The following TDRD3 variants were observed in gnomAD, a reference collection of about 807,000 sequenced individuals.
TDRD3 encodes the protein tudor domain containing 3.
In TDRD3, 45 loss-of-function variants were observed where a neutral mutation model predicts 86.7. That is an observed-to-expected ratio of 0.52 (90% confidence interval 0.41 to 0.67). The LOEUF (loss-of-function observed/expected upper bound fraction) is 0.67, where lower values mean the gene tolerates loss of function less well. TDRD3 is among the 30% of genes least tolerant of loss of function. TDRD3 has a pLI of 0.00. For synonymous variants in TDRD3, 298 were observed against 301.7 expected (o/e 0.99, Z 0.13); for missense variants, 814 against 889.0 (o/e 0.92, Z 1.07).
In TDRD3 at chr13:60,397,320, C is replaced by CAA; in HGVS notation, c.-44_-43insAA. The CAA allele has an allele frequency of 3.3e-5, 27 of 810,550 alleles. No homozygotes were observed. Among genetic ancestry groups the CAA allele is most frequent in the Non-Finnish European group, 4.6e-5 (25 of 539,836 alleles). The allele number at this position is 810,550 out of a possible 1,614,324, so 50.2% of individuals were successfully genotyped here. ...GGTCTCAAGTAGGAGGCCTCCCCAT[C>CAA]ACCCCCACCCCAGCCCCCCACCACC... is the stretch of plus-strand genomic sequence containing the variant. On this transcript the variant is annotated 5_prime_UTR_variant, in exon 1 of 14. The change abolishes the stop of an existing upstream ORF in the 5' untranslated region. Coordinates refer to ENST00000377881, the MANE Select transcript of TDRD3 (RefSeq NM_001146070.2).
At chr13:60,548,246 G>A (rs1957976045) in intron 12 of TDRD3, among the ~76,000 whole-genome samples, 1 of 152,130 alleles carries the variant, frequency 6.6e-6, no homozygotes, top group African/African-American at 2.4e-5. Flanking sequence ...CCCACCCTCA[G>A]CCAAACTAAA....
chr13:60,521,180 C>T (rs1595062051), intron 10 of TDRD3, among the ~76,000 whole-genome samples: 1 of 152,188 alleles, frequency 6.6e-6, no homozygotes, highest in Non-Finnish European at 1.5e-5. Context: ...CTGCAAACTT[C>T]TCCTAAAGAA....
chr13:60,503,131 CT>C (rs1301571449), intron 8 of TDRD3, among the ~76,000 whole-genome samples: 1 of 152,176 alleles, frequency 6.6e-6, no homozygotes, highest in African/African-American at 2.4e-5. Flanking sequence ...GTTCCTTTAG[CT>C]TTCTGAGTTT....
chr13:60,404,429 GCC>G (rs1411204475), intron 1 of TDRD3, among the ~76,000 whole-genome samples: 3 of 148,784 alleles, frequency 2.0e-5, no homozygotes, highest in African/African-American at 7.4e-5. Flanking sequence ...TCCTGCCTCA[GCC>G]TCCCAAGTAG....
chr13:60,476,372 G>C (rs1345598609), intron 5 of TDRD3, among the ~76,000 whole-genome samples: 1 of 151,956 alleles, frequency 6.6e-6, no homozygotes, highest in African/African-American at 2.4e-5. Flanking sequence ...TTTATTTCTA[G>C]GTTCTTTATC....
At chr13:60,521,076 C>T (rs980493850) in intron 10 of TDRD3, among the ~76,000 whole-genome samples, 14 of 152,202 alleles carry the variant, frequency 9.2e-5, no homozygotes, top group African/African-American at 3.1e-4. Context: ...TAGTGCAAAT[C>T]AGAGATGGCT....
intron 1 of TDRD3, among the ~76,000 whole-genome samples, chr13:60,418,425 TCTC>T (rs1218200775): frequency 6.6e-6 from 1 of 152,162 alleles, no homozygotes; most frequent in Non-Finnish European, 1.5e-5. Flanking sequence ...TATATGTTTG[TCTC>T]CTCAAGTAAA....
intron 11 of TDRD3, 86 bp from the exon 12 acceptor site, chr13:60,535,022 C>A: frequency 6.9e-6 from 10 of 1,453,350 alleles, no homozygotes; most frequent in East Asian, 2.6e-5. Context: ...CACATTGGAA[C>A]ACTTTAAAAA....
chr13:60,470,733 C>A (rs1237109804), intron 5 of TDRD3, among the ~76,000 whole-genome samples: 1 of 151,840 alleles, frequency 6.6e-6, no homozygotes, highest in Admixed American at 6.6e-5. Context: ...CAGGTGTGCA[C>A]CACCATGCCC....
Position 60,485,922 on chromosome 13 carries a change from A to G in TDRD3, c.691A>G (p.Ile231Val). Reference sequence around the variant, plus strand: ...ATTTGAAAAGCAAAGGACGGCTGCTATTGCTGAAGTTGCAAAGAGCAAGGA... The same window carrying G: ...ATTTGAAAAGCAAAGGACGGCTGCTGTTGCTGAAGTTGCAAAGAGCAAGGA... ...DEFEKQRTAA[I>V]AEVAKSKETK... The change falls in exon 7 of 14, where the codon ATT (isoleucine) becomes GTT (valine). Residue 231 changes from isoleucine (I) to valine (V), a missense_variant. Coordinates refer to ENST00000377881, the MANE Select transcript of TDRD3 (RefSeq NM_001146070.2). 3 of 1,609,234 alleles carry G rather than the reference A, an allele frequency of 1.9e-6. No homozygotes were observed. Among genetic ancestry groups the G allele is most frequent in the Non-Finnish European group, 2.5e-6 (3 of 1,178,226 alleles).
intron 12 of TDRD3, among the ~76,000 whole-genome samples, chr13:60,563,717 C>A (rs1211788911): frequency 6.6e-6 from 1 of 152,208 alleles, no homozygotes; most frequent in Non-Finnish European, 1.5e-5. Flanking sequence ...TTTCACCTTA[C>A]TATTTGTGGA....
chr13:60,461,233 GT>G (rs1210070269), intron 4 of TDRD3, among the ~76,000 whole-genome samples: 1 of 152,088 alleles, frequency 6.6e-6, no homozygotes, highest in Non-Finnish European at 1.5e-5. Context: ...TTCTTGCAGA[GT>G]TTTATAGGCT....
At chr13:60,551,153 A>T (rs1038307028) in intron 12 of TDRD3, among the ~76,000 whole-genome samples, 51 of 152,178 alleles carry the variant, frequency 3.4e-4, no homozygotes, top group Admixed American at 9.2e-4. Flanking sequence ...GGTCAGTCTA[A>T]TTCTCTTCTT....
chr13:60,441,424 CT>C (rs1201005279), intron 2 of TDRD3, among the ~76,000 whole-genome samples: 2 of 151,866 alleles, frequency 1.3e-5, no homozygotes, highest in Non-Finnish European at 2.9e-5. Flanking sequence ...GTTAATTTGT[CT>C]TTTTTATTTT....
chr13:60,540,855 C>A (rs1443909089), intron 12 of TDRD3, among the ~76,000 whole-genome samples: 1 of 151,882 alleles, frequency 6.6e-6, no homozygotes, highest in Non-Finnish European at 1.5e-5. Context: ...GTTATTATTT[C>A]ATGTTTCATT....
At chr13:60,479,557 T>C (rs1047488022) in intron 5 of TDRD3, among the ~76,000 whole-genome samples, 2 of 152,226 alleles carry the variant, frequency 1.3e-5, no homozygotes, top group African/African-American at 4.8e-5. Flanking sequence ...TTGTGTTATG[T>C]TTCTGCATTG....
At chr13:60,559,451 A>C (rs2077961) in intron 12 of TDRD3, among the ~76,000 whole-genome samples, 68,843 of 151,966 alleles carry the variant, frequency 0.45, 15,917 homozygotes, top group South Asian at 0.55. Flanking sequence ...TAATCTTTAG[A>C]AATGGGTTTC....
At chr13:60,426,514 T>A (rs1954813662) in intron 1 of TDRD3, among the ~76,000 whole-genome samples, 1 of 152,214 alleles carries the variant, frequency 6.6e-6, no homozygotes, top group Admixed American at 6.5e-5. Flanking sequence ...TCCTGTAACA[T>A]CATGTTGTAA....
intron 12 of TDRD3, among the ~76,000 whole-genome samples, chr13:60,559,545 A>G (rs1958284649): frequency 6.6e-6 from 1 of 152,204 alleles, no homozygotes; most frequent in African/African-American, 2.4e-5. Flanking sequence ...TCATTACATG[A>G]TGTTTATAGT....
Sources: gnomAD v4.1 joint callset for allele counts (sites outside exome capture counted in the v4.1 genomes callset) on GRCh38, gnomAD v4.1.1 for gene constraint, MANE v1.5 for transcripts, NCBI Gene and HGNC (gene_info 2026-07-23, HGNC 2026-07-21) for gene names.